LNX1: variants seen among roughly 807,000 people sequenced by gnomAD.
The protein encoded by LNX1 is ligand of numb-protein X 1, also known as E3 ubiquitin-protein ligase LNX.
In LNX1, 54 loss-of-function variants were observed where a neutral mutation model predicts 68.4. The observed-to-expected ratio is 0.79, with a 90% CI of 0.63 to 0.99. The LOEUF is 0.99. Ranked by LOEUF, LNX1 falls within the 50% of genes least tolerant of loss-of-function variation. The pLI, the probability that LNX1 is intolerant of heterozygous loss-of-function variation, is 0.00. For synonymous variants in LNX1, 336 were observed against 350.0 expected (o/e 0.96, Z 0.45); for missense variants, 906 against 926.4 (o/e 0.98, Z 0.29).
At chr4:53,540,738 C>T (rs1245846266) in intron 2 of LNX1, among the ~76,000 whole-genome samples, 1 of 152,136 alleles carries the variant, frequency 6.6e-6, no homozygotes, top group African/African-American at 2.4e-5. Context: ...AACAGAGCTA[C>T]AGACTGTGTA....
At chr4:53,560,242 G>T (rs1244223458) in intron 2 of LNX1, among the ~76,000 whole-genome samples, 1 of 152,096 alleles carries the variant, frequency 6.6e-6, no homozygotes, top group Non-Finnish European at 1.5e-5. Context: ...TATTTCTGAC[G>T]ATCTTGGACA....
intron 2 of LNX1, chr4:53,557,915 G>T (rs757816453): frequency 1.2e-6 from 2 of 1,613,468 alleles, no homozygotes; most frequent in Non-Finnish European, 1.7e-6. Flanking sequence ...CATTGTCAAT[G>T]TAGTTAGCAG....
At chr4:53,564,624 A>T (rs1180440251) in intron 2 of LNX1, among the ~76,000 whole-genome samples, 2 of 152,182 alleles carry the variant, frequency 1.3e-5, no homozygotes, top group Admixed American at 1.3e-4. Context: ...TGTAATTAAG[A>T]ATCTTTTGGG....
At chr4:53,597,792 C>T (rs1273961712) in intron 2 of LNX1, among the ~76,000 whole-genome samples, 1 of 152,140 alleles carries the variant, frequency 6.6e-6, no homozygotes, top group Non-Finnish European at 1.5e-5. Flanking sequence ...CAAAATTATT[C>T]TTTTAAAATT....
chr4:53,649,582 C>T (rs1735016055), intron 1 of LNX1, among the ~76,000 whole-genome samples: 2 of 152,190 alleles, frequency 1.3e-5, no homozygotes, highest in South Asian at 2.1e-4. Context: ...CCTGCACTAG[C>T]CACCCTGAGG....
At chr4:53,633,603 G>A (rs1734358063) in intron 1 of LNX1, among the ~76,000 whole-genome samples, 1 of 152,116 alleles carries the variant, frequency 6.6e-6, no homozygotes. Context: ...AAGACTCAGG[G>A]GGCTGGTTTG....
chr4:53,645,835 A>T (rs1213938842), intron 1 of LNX1, among the ~76,000 whole-genome samples: 5 of 152,172 alleles, frequency 3.3e-5, no homozygotes, highest in Non-Finnish European at 7.3e-5. Flanking sequence ...AATATCTGAA[A>T]CCGTATGAAA....
At chr4:53,618,294 G>C (rs1733752241), upstream of LNX1, among the ~76,000 whole-genome samples, 1 of 152,172 alleles carries the variant, frequency 6.6e-6, no homozygotes, top group South Asian at 2.1e-4. Flanking sequence ...TGGGAAAAGA[G>C]TATTCTAAAG....
intron 1 of LNX1, among the ~76,000 whole-genome samples, chr4:53,585,865 G>A (rs1457548780): frequency 6.6e-6 from 1 of 152,094 alleles, no homozygotes; most frequent in African/African-American, 2.4e-5. Context: ...ATGGGTATTT[G>A]TTATGGCAGC....
At chr4:53,573,141 A>G (rs1731268025) in intron 2 of LNX1, among the ~76,000 whole-genome samples, 1 of 152,202 alleles carries the variant, frequency 6.6e-6, no homozygotes, top group Non-Finnish European at 1.5e-5. Flanking sequence ...CTGGTCGCAA[A>G]AGGACAAATA....
intron 2 of LNX1, among the ~76,000 whole-genome samples, chr4:53,530,802 A>T (rs574678976): frequency 1.3e-5 from 2 of 152,314 alleles, no homozygotes; most frequent in East Asian, 3.9e-4. Context: ...TTTCAGGGTC[A>T]AATTACATAG....
At chr4:53,591,277 A>G (rs1441176879) in intron 1 of LNX1, 111 bp downstream of exon 1, 1 of 606,500 alleles carries the variant, frequency 1.6e-6, no homozygotes, top group African/African-American at 2.0e-5. Context: ...TGGGGCAAAC[A>G]CTAGCGACAA....
At chr4:53,608,933 G>C (rs2109845155) in intron 2 of LNX1, among the ~76,000 whole-genome samples, 1 of 152,204 alleles carries the variant, frequency 6.6e-6, no homozygotes, top group East Asian at 1.9e-4. Context: ...ACAAAGAAGG[G>C]AACAACAGAC....
chr4:53,526,854 A>G (rs1239041930), intron 2 of LNX1, among the ~76,000 whole-genome samples: 1 of 151,976 alleles, frequency 6.6e-6, no homozygotes, highest in Non-Finnish European at 1.5e-5. Flanking sequence ...CTCTGTCTTA[A>G]AATCTTTGAA....
intron 1 of LNX1, among the ~76,000 whole-genome samples, chr4:53,589,427 G>T (rs1307877917): frequency 6.6e-6 from 1 of 152,134 alleles, no homozygotes; most frequent in Non-Finnish European, 1.5e-5. Flanking sequence ...TCCTACAACT[G>T]CAACCACATA....
At chr4:53,541,287 G>A (rs1282388226) in intron 2 of LNX1, among the ~76,000 whole-genome samples, 1 of 152,042 alleles carries the variant, frequency 6.6e-6, no homozygotes, top group African/African-American at 2.4e-5. Context: ...TCAGCAAATG[G>A]CTCTCTAAAA....
chr4:53,541,148 A>AAG lies in LNX1; in HGVS notation c.380+32474_380+32475insCT, dbSNP rs1553936115. The stretch of plus-strand genomic sequence containing the variant: ...CGAGACTCTAACTCAAAAAAAAAAG[A>AAG]AAAAAAAAAAAGAAAGAAAAGAAAA... On this transcript the variant is annotated intron_variant, in intron 2 of 10. Transcript: ENST00000263925. Among the ~76,000 whole-genome samples the AAG allele has an allele frequency of 1.3e-3, 184 of 140,840 alleles. 3 individuals are homozygous for AAG. Among genetic ancestry groups the AAG allele is most frequent in the Middle Eastern group, 3.7e-3 (1 of 270 alleles). The allele number at this position is 140,840 out of a possible 152,430, so 92.4% of individuals were successfully genotyped here.
At chr4:53,565,082 C>T (rs1489846524) in intron 2 of LNX1, among the ~76,000 whole-genome samples, 1 of 151,930 alleles carries the variant, frequency 6.6e-6, no homozygotes, top group African/African-American at 2.4e-5. Context: ...GGGGCGCCTA[C>T]CATTGCCCAG....
chr4:53,644,006 T>G (rs769468228), intron 1 of LNX1, among the ~76,000 whole-genome samples: 9 of 152,162 alleles, frequency 5.9e-5, no homozygotes, highest in Non-Finnish European at 1.0e-4. Context: ...TTATTTACTC[T>G]AAAAGTCTTA....
Sources: allele counts gnomAD v4.1 joint callset (sites outside exome capture counted in the v4.1 genomes callset), GRCh38; gene constraint gnomAD v4.1.1; transcripts MANE v1.5; gene names NCBI Gene and HGNC (gene_info 2026-07-23, HGNC 2026-07-21).